Variants in TLL1 observed in about 807,000 individuals in gnomAD.
TLL1 encodes tolloid like 1, also known as tolloid-like protein 1.
TLL1 carries 49 observed loss-of-function variants against 128.2 expected under a neutral mutation model. That is an observed-to-expected ratio of 0.38 (90% CI 0.30 to 0.48). The LOEUF (loss-of-function observed/expected upper bound fraction) is 0.48. Among genes scored for constraint, TLL1 ranks in the 20% least tolerant of loss-of-function variants. The pLI is 0.96. For missense variants in TLL1, 1,123 were observed against 1,242.0 expected (o/e 0.90, Z 1.44); for synonymous variants, 454 against 418.8 (o/e 1.08, Z -1.03).
At chr4:165,941,726 C>T (rs1579517020) in intron 1 of TLL1, among the ~76,000 whole-genome samples, 2 of 152,172 alleles carry the variant, frequency 1.3e-5, no homozygotes, top group East Asian at 3.9e-4. Flanking sequence ...CTCCCACATA[C>T]AAGGACAAAA....
At chr4:165,962,744 ATC>A (rs1157187471) in intron 1 of TLL1, among the ~76,000 whole-genome samples, 1 of 152,114 alleles carries the variant, frequency 6.6e-6, no homozygotes, top group African/African-American at 2.4e-5. Context: ...AAAGAAAGAA[ATC>A]ATGTTCTTTG....
In TLL1 at chr4:165,873,618, T is replaced by A. The variant is rs1730588687; in HGVS notation, c.-287T>A. ...AGCGCCAGCGCCGCCAGAGCCGAGTTTGCCTGCGCCCTCCCCGCCTCCGAG... is the reference window on the plus strand; with the variant it reads ...AGCGCCAGCGCCGCCAGAGCCGAGTATGCCTGCGCCCTCCCCGCCTCCGAG... On this transcript the variant is annotated 5_prime_UTR_variant, in exon 1 of 21. The change creates a new upstream start codon in the 5' untranslated region. Transcript: ENST00000061240. 1 of 266,882 alleles carries A rather than the reference T, an allele frequency of 3.7e-6. No homozygotes were observed. Among genetic ancestry groups the A allele is most frequent in the South Asian group, 1.3e-4 (1 of 7,914 alleles). 16.5% of individuals were successfully genotyped at this position (266,882 alleles called of 1,614,324 possible). A position where few individuals can be genotyped will look rare whatever the true frequency, so the allele number is the denominator to read the frequency against.
At chr4:166,059,774 T>C (rs1740215865) in intron 14 of TLL1, among the ~76,000 whole-genome samples, 1 of 152,040 alleles carries the variant, frequency 6.6e-6, no homozygotes, top group South Asian at 2.1e-4. Context: ...CCCCCTACTT[T>C]AAAGTTACTA....
At chr4:166,036,789 CTGTGTGTGTGTGTG>C (rs3047083) in intron 9 of TLL1, among the ~76,000 whole-genome samples, 16 of 145,222 alleles carry the variant, frequency 1.1e-4, no homozygotes, top group South Asian at 2.3e-4. Context: ...CCCTATCCAA[CTGTGTGTGTGTGTG>C]TGTGTGTGTG....
chr4:165,995,992 C>T (rs761660736), intron 5 of TLL1, among the ~76,000 whole-genome samples: 1 of 151,996 alleles, frequency 6.6e-6, no homozygotes, highest in Non-Finnish European at 1.5e-5. Context: ...TCCCATTTCA[C>T]GTGTTTTATC....
intron 9 of TLL1, among the ~76,000 whole-genome samples, chr4:166,037,413 A>G (rs1031429146): frequency 6.6e-6 from 1 of 152,210 alleles, no homozygotes; most frequent in Admixed American, 6.5e-5. Context: ...ATTTTTGTAA[A>G]CACTTAAAAA....
intron 1 of TLL1, among the ~76,000 whole-genome samples, chr4:165,927,712 G>T (rs1193055906): frequency 6.6e-6 from 1 of 152,120 alleles, no homozygotes; most frequent in East Asian, 1.9e-4. Context: ...AGACATTTTT[G>T]ATTGTCACAT....
intron 17 of TLL1, 96 bp downstream of exon 17, chr4:166,075,099 T>C (rs1740963293): frequency 6.5e-7 from 1 of 1,546,174 alleles, no homozygotes; most frequent in Non-Finnish European, 8.9e-7. Context: ...TTTCAATGAG[T>C]GATATCATGG....
intron 19 of TLL1, among the ~76,000 whole-genome samples, chr4:166,096,349 G>A (rs1043238127): frequency 2.0e-5 from 3 of 148,772 alleles, no homozygotes; most frequent in African/African-American, 5.2e-5. Flanking sequence ...AACCGGGGGC[G>A]GGGGGAACTT....
chr4:165,954,164 G>A (rs118086330), intron 1 of TLL1, among the ~76,000 whole-genome samples: 16 of 152,010 alleles, frequency 1.1e-4, no homozygotes, highest in East Asian at 7.8e-4. Context: ...TATTGCCAAC[G>A]GCTATACAAC....
intron 19 of TLL1, among the ~76,000 whole-genome samples, chr4:166,098,102 G>T (rs995248598): frequency 6.6e-6 from 1 of 152,044 alleles, no homozygotes; most frequent in African/African-American, 2.4e-5. Context: ...GGGAGGCTAA[G>T]GCAGGTGGAT....
At chr4:165,879,436 A>C (rs1323536049) in intron 1 of TLL1, among the ~76,000 whole-genome samples, 1 of 152,152 alleles carries the variant, frequency 6.6e-6, no homozygotes, top group African/African-American at 2.4e-5. Flanking sequence ...GCTATTAGTC[A>C]CCTTAATCAT....
intron 9 of TLL1, chr4:166,030,695 T>A: frequency 9.0e-7 from 1 of 1,108,508 alleles, no homozygotes; most frequent in East Asian, 3.4e-5. Context: ...TTCTTGTACA[T>A]GTGGATATCC....
At chr4:166,076,347 G>C (rs1231965380) in intron 17 of TLL1, among the ~76,000 whole-genome samples, 1 of 151,888 alleles carries the variant, frequency 6.6e-6, no homozygotes, top group Non-Finnish European at 1.5e-5. Context: ...TGCTGGGATC[G>C]CAGGCATGAG....
chr4:166,060,274 A>C, intron 15 of TLL1, 86 bp downstream of exon 15: 1 of 1,366,198 alleles, frequency 7.3e-7, no homozygotes. Context: ...AAAAAGATGT[A>C]GTAAAATAGT....
intron 12 of TLL1, among the ~76,000 whole-genome samples, chr4:166,043,815 T>A (rs1579664665): frequency 2.8e-5 from 1 of 36,010 alleles, no homozygotes; most frequent in South Asian, 7.9e-4. Flanking sequence ...ATTTTTCACC[T>A]TTTTTTTTTT....
Position 165,995,056 on chromosome 4 carries a change from T to C in TLL1, c.515-5T>C. Reference sequence around the variant, plus strand: ...CTTTTCATTAACATCACACATTTTTTCTAGGCAGCCAGAGAGCCATGTTCA... The same window carrying C: ...CTTTTCATTAACATCACACATTTTTCCTAGGCAGCCAGAGAGCCATGTTCA... On this transcript the variant is annotated splice_polypyrimidine_tract_variant and splice_region_variant and intron_variant, in intron 4 of 20. Coordinates refer to ENST00000061240, the MANE Select transcript of TLL1 (RefSeq NM_012464.5). The C allele has an allele frequency of 6.2e-7, 1 of 1,613,140 alleles. No individual in the cohort carries two copies. Among genetic ancestry groups the C allele is most frequent in the East Asian group, 2.2e-5 (1 of 44,832 alleles).
At chr4:165,994,346 T>A (rs1560797380) in intron 3 of TLL1, 35 bp from the exon 4 acceptor site, 2 of 1,613,784 alleles carry the variant, frequency 1.2e-6, no homozygotes. Context: ...GACCAAGAAC[T>A]TCTGTTTCAC....
At chr4:166,044,433 T>C (rs1295065600) in intron 12 of TLL1, 1 of 1,535,332 alleles carries the variant, frequency 6.5e-7, no homozygotes, top group Middle Eastern at 1.7e-4. Context: ...TCTGGAAGCC[T>C]GTAAATTCTA....
Sources: gnomAD v4.1 joint callset for allele counts (sites outside exome capture counted in the v4.1 genomes callset) on GRCh38, gnomAD v4.1.1 for gene constraint, MANE v1.5 for transcripts, NCBI Gene and HGNC (gene_info 2026-07-23, HGNC 2026-07-21) for gene names.